SCIN: variants seen among roughly 807,000 people sequenced by gnomAD.
SCIN encodes adseverin.
In SCIN, 91 loss-of-function variants were observed where a neutral mutation model predicts 91.8. The observed-to-expected ratio is 0.99, with a 90% CI of 0.84 to 1.18. The LOEUF (loss-of-function observed/expected upper bound fraction) is 1.18, where lower values mean the gene tolerates loss of function less well. SCIN is among the 50% of genes most tolerant of loss of function. SCIN has a pLI of 0.00. For missense variants in SCIN, 1,087 were observed against 863.9 expected, an observed-to-expected ratio of 1.26 and a Z score of -3.24; for synonymous variants, 367 against 312.6, an observed-to-expected ratio of 1.17 and a Z score of -1.84.
At chr7:12,644,770 C>A (rs377595828) in intron 13 of SCIN, 65 bp downstream of exon 13, 32 of 1,497,044 alleles carry the variant, frequency 2.1e-5, no homozygotes, top group East Asian at 2.0e-4. Context: ...AATCCCAGCA[C>A]TTTGGGAGGC....
At chr7:12,582,936 A>G (rs996903149) in intron 3 of SCIN, among the ~76,000 whole-genome samples, 1 of 152,114 alleles carries the variant, frequency 6.6e-6, no homozygotes, top group African/African-American at 2.4e-5. Context: ...TGAAAATAAA[A>G]TGGCATTTTT....
intron 3 of SCIN, among the ~76,000 whole-genome samples, chr7:12,593,428 T>A (rs1395373338): frequency 1.3e-5 from 2 of 152,072 alleles, no homozygotes; most frequent in African/African-American, 2.4e-5. Context: ...GATTGGGAAA[T>A]AAAACGGGTA....
intron 3 of SCIN, among the ~76,000 whole-genome samples, chr7:12,601,705 T>C (rs888963608): frequency 1.3e-5 from 2 of 152,250 alleles, no homozygotes; most frequent in African/African-American, 4.8e-5. Flanking sequence ...AGGCTTTCTT[T>C]CTGCATATGC....
intron 1 of SCIN, chr7:12,571,601 C>A (rs774652670): frequency 4.3e-6 from 2 of 468,218 alleles, no homozygotes; most frequent in Non-Finnish European, 4.4e-6. Flanking sequence ...CCGCTTCATT[C>A]GGAAGCTGGC....
At chr7:12,611,721 GA>G (rs1783195166) in intron 4 of SCIN, among the ~76,000 whole-genome samples, 1 of 152,046 alleles carries the variant, frequency 6.6e-6, no homozygotes, top group Admixed American at 6.6e-5. Context: ...TAGCATTTTT[GA>G]AAGAGTCTAA....
Position 12,640,634 on chromosome 7 carries a change from TTAATC to T in SCIN, c.1581+118_1581+122del, listed in dbSNP as rs1783840232. 2.3e-5 allele frequency: 21 copies of T among 899,580 alleles called. 1 individual carries two copies. In the South Asian group the frequency reaches 6.6e-4, roughly 28 times the overall value. 55.7% of individuals were successfully genotyped at this position (899,580 alleles called of 1,614,324 possible). On this transcript the variant is annotated intron_variant, in intron 11 of 15. Coordinates refer to ENST00000297029, the MANE Select transcript of SCIN (RefSeq NM_001112706.3). ...AAATAAACTCCCTTCATTCCTATAA[TTAATC>T]CACTGTTCAAAATTTTAAAAACATT...
intron 11 of SCIN, among the ~76,000 whole-genome samples, chr7:12,642,489 T>C (rs985524555): frequency 1.3e-5 from 2 of 151,874 alleles, no homozygotes; most frequent in Non-Finnish European, 2.9e-5. Flanking sequence ...TCTGTCCTTC[T>C]TAAGAGCACA....
chr7:12,643,130 A>G (rs1430122269), intron 11 of SCIN, among the ~76,000 whole-genome samples: 3 of 152,196 alleles, frequency 2.0e-5, no homozygotes, highest in African/African-American at 7.2e-5. Flanking sequence ...TTCCTTTGTG[A>G]GACCTCATCA....
At chr7:12,615,190 A>G (rs900974438) in intron 4 of SCIN, among the ~76,000 whole-genome samples, 4 of 152,182 alleles carry the variant, frequency 2.6e-5, no homozygotes, top group African/African-American at 9.6e-5. Flanking sequence ...TATTCCATAT[A>G]ATAATTACTA....
intron 3 of SCIN, among the ~76,000 whole-genome samples, chr7:12,600,745 A>T (rs1363827547): frequency 1.3e-5 from 2 of 152,186 alleles, no homozygotes; most frequent in East Asian, 3.9e-4. Context: ...GAATGCTAGA[A>T]TCACCTGAGG....
intron 1 of SCIN, among the ~76,000 whole-genome samples, chr7:12,573,724 A>C (rs1782313725): frequency 1.3e-5 from 2 of 152,130 alleles, no homozygotes; most frequent in Non-Finnish European, 2.9e-5. Context: ...TCACATCCCT[A>C]ACCTAAGGTA....
intron 9 of SCIN, among the ~76,000 whole-genome samples, chr7:12,635,578 C>T (rs1041955050): frequency 7.4e-6 from 1 of 135,036 alleles, no homozygotes; most frequent in African/African-American, 2.9e-5. Context: ...CACCATTGCA[C>T]TCCAGCCCGG....
intron 4 of SCIN, among the ~76,000 whole-genome samples, chr7:12,616,777 T>C (rs2115264459): frequency 6.6e-6 from 1 of 152,250 alleles, no homozygotes; most frequent in Admixed American, 6.5e-5. Context: ...ATCAGAGAAT[T>C]CGTTTTATAA....
intron 4 of SCIN, among the ~76,000 whole-genome samples, chr7:12,618,460 A>G (rs1436182996): frequency 6.6e-6 from 1 of 152,128 alleles, no homozygotes; most frequent in East Asian, 1.9e-4. Context: ...CCATTCTTTA[A>G]TATATGAAAT....
Position 12,644,221 on chromosome 7 carries a change from A to C in SCIN, c.1665A>C (p.Gly555=). The C allele has an allele frequency of 6.2e-7, 1 of 1,610,676 alleles. No homozygotes were observed. Among genetic ancestry groups the C allele is most frequent in the Non-Finnish European group, 8.5e-7 (1 of 1,178,262 alleles). ...LPQNSGYIWV[G]KGASQEEEKG... is the part of the protein sequence containing the mutation. ...AAAATAGTGGCTACATCTGGGTAGG[A>C]AAAGGTGCTAGCCAGGAGGAGGAGA... The change falls in exon 12 of 16, where the codon GGA becomes GGC. Residue 555 remains glycine, a synonymous_variant. Transcript: ENST00000297029.
chr7:12,571,118 G>A, intron 1 of SCIN, 133 bp downstream of exon 1: 2 of 991,604 alleles, frequency 2.0e-6, no homozygotes, highest in Non-Finnish European at 2.9e-6. Flanking sequence ...CCACGGGGCT[G>A]CCCTTTGGGG....
rs1784120050 is a variant in SCIN at position 12,653,326 on chromosome 7, A to G, written c.*611A>G. The G allele has an allele frequency of 6.6e-6, 1 of 152,156 alleles. No individual in the cohort carries two copies. The highest frequency in any genetic ancestry group is 2.1e-4 in the South Asian group (1 of 4,828). The allele number at this position is 152,156 out of a possible 1,614,324, so 9.4% of individuals were successfully genotyped here. ...TATGCATAATCTAGAAAGATTTGTCAGATAGGAAATTTTATAATGCATTAG... is the reference window on the plus strand; with the variant it reads ...TATGCATAATCTAGAAAGATTTGTCGGATAGGAAATTTTATAATGCATTAG... On this transcript the variant is annotated 3_prime_UTR_variant, in exon 16 of 16. Coordinates refer to ENST00000297029, the MANE Select transcript of SCIN (RefSeq NM_001112706.3). This position sits in a 1 kb window ranked among gnomAD's most constrained non-coding sequence, Gnocchi z 4.1.
At chr7:12,605,983 T>G (rs979012142) in intron 4 of SCIN, among the ~76,000 whole-genome samples, 2 of 152,182 alleles carry the variant, frequency 1.3e-5, no homozygotes, top group East Asian at 1.9e-4. Context: ...AATATTGCAG[T>G]GACTACCTAA....
intron 3 of SCIN, among the ~76,000 whole-genome samples, chr7:12,582,706 G>A (rs575044371): frequency 6.6e-6 from 1 of 152,064 alleles, no homozygotes; most frequent in African/African-American, 2.4e-5. Flanking sequence ...CTCATATCTA[G>A]GCAGAATACA....
Sources: allele counts gnomAD v4.1 joint callset (sites outside exome capture counted in the v4.1 genomes callset), GRCh38; gene constraint gnomAD v4.1.1; non-coding constraint Gnocchi (gnomAD v3.1); transcripts MANE v1.5; gene names NCBI Gene and HGNC (gene_info 2026-07-23, HGNC 2026-07-21).